ZGRF1: variants seen among roughly 807,000 people sequenced by gnomAD.
The protein encoded by ZGRF1 is 5'-3' DNA helicase ZGRF1.
A neutral mutation model predicts 203.5 loss-of-function variants in ZGRF1; 196 were observed. The ratio of observed to expected loss-of-function variants is 0.96; its 90% CI spans 0.86 to 1.08. The LOEUF is 1.08. Among genes scored for constraint, ZGRF1 ranks in the 50% least tolerant of loss-of-function variants. The pLI is 0.00. For synonymous variants in ZGRF1, 809 were observed against 841.3 expected, an observed-to-expected ratio of 0.96 and a Z score of 0.66; for missense variants, 2,326 against 2,416.3, an observed-to-expected ratio of 0.96 and a Z score of 0.78.
At chr4:112,632,093 A>C (rs2047430524) in intron 2 of ZGRF1, 83 bp from the exon 3 acceptor site, 1 of 578,128 alleles carries the variant, frequency 1.7e-6, no homozygotes, top group South Asian at 5.8e-5. Flanking sequence ...CCTACATACA[A>C]AATATATTTA....
intron 16 of ZGRF1, among the ~76,000 whole-genome samples, chr4:112,566,659 G>A (rs1379819570): frequency 6.6e-6 from 1 of 152,104 alleles, no homozygotes; most frequent in East Asian, 1.9e-4. Flanking sequence ...GAATTAGTAT[G>A]ATTGTTGGCT....
At chr4:112,614,552 G>C (rs1249642972) in intron 6 of ZGRF1, among the ~76,000 whole-genome samples, 5 of 152,332 alleles carry the variant, frequency 3.3e-5, no homozygotes, top group African/African-American at 9.6e-5. Context: ...AAAGGGGCCA[G>C]GTACAGTGGC....
intron 5 of ZGRF1, 111 bp downstream of exon 5, chr4:112,619,891 T>C (rs1404472196): frequency 2.1e-6 from 2 of 945,778 alleles, no homozygotes; most frequent in Non-Finnish European, 3.1e-6. Context: ...TACCTAAGTA[T>C]ACTATGAAGT....
chr4:112,550,047 G>T (rs1739618972), intron 22 of ZGRF1, among the ~76,000 whole-genome samples: 1 of 152,094 alleles, frequency 6.6e-6, no homozygotes, highest in Admixed American at 6.6e-5. Context: ...AAAAAAATTA[G>T]CCGGGCGTGG....
At chr4:112,573,933 G>A (rs951184845) in intron 16 of ZGRF1, among the ~76,000 whole-genome samples, 1 of 152,152 alleles carries the variant, frequency 6.6e-6, no homozygotes, top group Non-Finnish European at 1.5e-5. Flanking sequence ...TAACATCAGT[G>A]GTGAGCAGAG....
intron 4 of ZGRF1, among the ~76,000 whole-genome samples, chr4:112,622,762 C>T (rs1440944886): frequency 1.3e-5 from 2 of 152,176 alleles, no homozygotes; most frequent in South Asian, 2.1e-4. Context: ...GTTCTCTTTC[C>T]ATGCTTTTTC....
intron 10 of ZGRF1, among the ~76,000 whole-genome samples, chr4:112,601,843 A>G (rs1221418750): frequency 6.6e-6 from 1 of 152,200 alleles, no homozygotes; most frequent in Non-Finnish European, 1.5e-5. Flanking sequence ...ACAACTGACA[A>G]TGAGTAGGTA....
chr4:112,594,552 A>C (rs1748687497), intron 10 of ZGRF1, among the ~76,000 whole-genome samples: 1 of 151,772 alleles, frequency 6.6e-6, no homozygotes, highest in Non-Finnish European at 1.5e-5. Flanking sequence ...TCCCAGGTTC[A>C]AGCGATTCTC....
At chr4:112,562,337 A>G in intron 18 of ZGRF1, 34 bp downstream of exon 18, 1 of 1,118,818 alleles carries the variant, frequency 8.9e-7, no homozygotes, top group Middle Eastern at 1.9e-4. Flanking sequence ...ACCATTTTTT[A>G]ATACCAATGA....
chr4:112,622,655 T>TA (rs1275357791), intron 4 of ZGRF1, among the ~76,000 whole-genome samples: 1 of 151,852 alleles, frequency 6.6e-6, no homozygotes, highest in African/African-American at 2.4e-5. Context: ...AAGTTAGACA[T>TA]AGAGAGTTTA....
At position 112,563,113 on chromosome 4, in the gene ZGRF1, G is replaced by T. The variant is rs1054313684; in HGVS notation, c.4582+18C>A. ...ATTCTTTTTAAATATAAACTAAAAT[G>T]AGCATAGTAATACTCACTGTTAGTG... On this transcript the variant is annotated intron_variant, in intron 17 of 27. Coordinates refer to ENST00000505019, the MANE Select transcript of ZGRF1 (RefSeq NM_018392.5). 5.9e-6 allele frequency: 9 copies of T among 1,520,020 alleles called. No homozygotes were observed. Among genetic ancestry groups the T allele is most frequent in the Admixed American group, 4.4e-5 (2 of 45,778 alleles). The allele number at this position is 1,520,020 out of a possible 1,614,324, so 94.2% of individuals were successfully genotyped here.
chr4:112,621,481 C>A (rs2047057043), intron 4 of ZGRF1, among the ~76,000 whole-genome samples: 5 of 151,812 alleles, frequency 3.3e-5, no homozygotes. Flanking sequence ...GAAACCCCGT[C>A]TCTACTAAAA....
At chr4:112,569,495 A>T (rs916476361) in intron 16 of ZGRF1, among the ~76,000 whole-genome samples, 5 of 152,186 alleles carry the variant, frequency 3.3e-5, no homozygotes, top group Non-Finnish European at 7.3e-5. Flanking sequence ...CTCTACCTTG[A>T]GTAGCACTAG....
At chr4:112,563,052 G>T in intron 17 of ZGRF1, 79 bp downstream of exon 17, 6 of 1,264,814 alleles carry the variant, frequency 4.7e-6, no homozygotes, top group South Asian at 1.6e-5. Context: ...GGTCCTTTTT[G>T]TTGGCTTTAA....
rs138044303 is a variant in ZGRF1, at chr4:112,584,105, C to T, written c.4171G>A (p.Val1391Met). ...RCKFFKWLED[V>M]TPGYSTQEGA... is the part of the protein sequence containing the mutation. ...TCCTGTGTTGAATATCCTGGAGTCA[C>T]GTCCTCAAGCCATTTAAAGAATTTA... is the stretch of plus-strand genomic sequence containing the variant. Residue 1391 changes from valine to methionine, a missense_variant, in exon 15 of 28, where the codon GTG (valine) becomes ATG (methionine). Physicochemically the swap from Val to Met is conservative, Grantham distance 21. Transcript: ENST00000505019. The T allele has an allele frequency of 2.1e-4, 341 of 1,613,330 alleles. No homozygotes were observed. The highest frequency in any genetic ancestry group is 2.6e-4 in the Non-Finnish European group (312 of 1,179,578).
chr4:112,628,942 G>C, intron 3 of ZGRF1: 1 of 354,754 alleles, frequency 2.8e-6, no homozygotes, highest in Non-Finnish European at 5.4e-6. Flanking sequence ...AAAAAATATG[G>C]ATATGCAAAG....
At chr4:112,627,014 C>G (rs1157192190) in intron 3 of ZGRF1, among the ~76,000 whole-genome samples, 3 of 152,098 alleles carry the variant, frequency 2.0e-5, no homozygotes, top group Admixed American at 1.3e-4. Flanking sequence ...CCACGTTAAC[C>G]AGGCTGGCCT....
At position 112,539,443 on chromosome 4, in the gene ZGRF1, T is replaced by C; in HGVS notation, c.*104A>G. 1.6e-6 allele frequency: 1 copy of C among 609,690 alleles called. No individual in the cohort carries two copies. The highest frequency in any genetic ancestry group is 2.5e-6 in the Non-Finnish European group (1 of 394,448). 37.8% of individuals were successfully genotyped at this position (609,690 alleles called of 1,614,324 possible). On this transcript the variant is annotated 3_prime_UTR_variant, in exon 28 of 28. Transcript: ENST00000505019. The stretch of plus-strand genomic sequence containing the variant: ...ATGTGTTTACTATGTTATTTAAATA[T>C]CATATTTTTAATAAGAGGGTTTAGA...
In ZGRF1 at chr4:112,618,077, G is replaced by A. The variant is rs141972062; in HGVS notation, c.1965C>T (p.Tyr655=). Residue 655 remains tyrosine (Y), a synonymous_variant, in exon 6 of 28, where the codon TAC becomes TAT. Transcript: ENST00000505019. ...FESFKWTDAV[Y]GDNKEDANKP... ...TATTAGCATCTTCTTTATTATCTCC[G>A]TATACAGCATCAGTCCACTTGAAAG... is the stretch of plus-strand genomic sequence containing the variant. 220 of 1,613,660 alleles carry A rather than the reference G, an allele frequency of 1.4e-4. No homozygotes were observed. The highest frequency in any genetic ancestry group is 2.9e-4 in the African/African-American group (22 of 74,970).
Sources: allele counts gnomAD v4.1 joint callset (sites outside exome capture counted in the v4.1 genomes callset), GRCh38; gene constraint gnomAD v4.1.1; transcripts MANE v1.5; gene names NCBI Gene and HGNC (gene_info 2026-07-23, HGNC 2026-07-21).